The following AFF3 variants were observed in gnomAD, a reference collection of about 807,000 sequenced individuals.
AFF3 encodes AF4/FMR2 family member 3.
AFF3 carries 32 observed loss-of-function variants against 129.7 expected under a neutral mutation model. The ratio of observed to expected loss-of-function variants is 0.25; its 90% CI spans 0.19 to 0.33. The LOEUF (loss-of-function observed/expected upper bound fraction) is 0.33. Among genes scored for constraint, AFF3 ranks in the 10% least tolerant of loss-of-function variants. The pLI is 1.00. For missense variants in AFF3, 1,373 were observed against 1,592.0 expected, an observed-to-expected ratio of 0.86 and a Z score of 2.34; for synonymous variants, 644 against 635.4, an observed-to-expected ratio of 1.01 and a Z score of -0.20.
At chr2:99,695,200 C>A (rs1676073956) in intron 11 of AFF3, among the ~76,000 whole-genome samples, 1 of 152,174 alleles carries the variant, frequency 6.6e-6, no homozygotes, top group African/African-American at 2.4e-5. Flanking sequence ...TACCTCAGCT[C>A]AGACTCCCCA....
At position 100,059,243 on chromosome 2, in the gene AFF3, G is replaced by C. The variant is rs1002687762; in HGVS notation, c.53+45159C>G. 2.6e-4 allele frequency among the ~76,000 whole-genome samples: 26 copies of C among 99,260 alleles called. 1 individual carries two copies. The highest frequency in any genetic ancestry group is 6.4e-4 in the Admixed American group (4 of 6,210). 65.1% of individuals were successfully genotyped at this position (99,260 alleles called of 152,430 possible). ...ACTCCAGCCTGGGCAACAGAAGTGAGACTCTGTCTCCAAAAAAAAAAAAAA... is the reference window on the plus strand; with the variant it reads ...ACTCCAGCCTGGGCAACAGAAGTGACACTCTGTCTCCAAAAAAAAAAAAAA... On this transcript the variant is annotated intron_variant, in intron 4 of 24. Coordinates refer to ENST00000672756, the MANE Select transcript of AFF3 (RefSeq NM_001386135.1).
rs552214201 is a variant in AFF3 at position 100,038,587 on chromosome 2, C to T, written c.54-29655G>A. 1.5e-3 allele frequency among the ~76,000 whole-genome samples: 221 copies of T among 152,138 alleles called. 1 individual carries two copies. Among genetic ancestry groups the T allele is most frequent in the Middle Eastern group, 3.4e-3 (1 of 294 alleles). ...CAGTTGAGGGGACAGAGGCTGGGCA[C>T]GGGTCCAAAATCTCCCCATGATGTT... On this transcript the variant is annotated intron_variant, in intron 4 of 24. Transcript: ENST00000672756.
chr2:100,091,942 C>A (rs1689893264), intron 4 of AFF3, among the ~76,000 whole-genome samples: 1 of 146,444 alleles, frequency 6.8e-6, no homozygotes, highest in African/African-American at 2.5e-5. Context: ...CCTTTTCAAC[C>A]CTCTTCACCG....
Position 99,691,595 on chromosome 2 carries a change from T to C in AFF3, c.1092-19006A>G, listed in dbSNP as rs531748916. 9.3e-4 allele frequency among the ~76,000 whole-genome samples: 142 copies of C among 152,334 alleles called. 2 individuals are homozygous for C. The highest frequency in any genetic ancestry group is 1.6e-3 in the Admixed American group (25 of 15,310). On this transcript the variant is annotated intron_variant, in intron 11 of 24. Transcript: ENST00000672756. ...AGAGGTGAAGAGGCTTTAGTGATTA[T>C]CAAGACCAGCAGTTTATCAACTTTG...
intron 4 of AFF3, among the ~76,000 whole-genome samples, chr2:100,047,147 G>A (rs989233164): frequency 1.2e-4 from 19 of 152,236 alleles, no homozygotes; most frequent in African/African-American, 4.1e-4. Flanking sequence ...AATGGCACCC[G>A]TGCTGGATGG....
intron 8 of AFF3, among the ~76,000 whole-genome samples, chr2:99,827,540 G>C (rs1183309422): frequency 6.6e-6 from 1 of 152,002 alleles, no homozygotes; most frequent in African/African-American, 2.4e-5. Flanking sequence ...GGGAGAGATG[G>C]CAGTTGGTTG....
At chr2:99,753,097 A>G (rs1054766736) in intron 8 of AFF3, among the ~76,000 whole-genome samples, 19 of 151,998 alleles carry the variant, frequency 1.3e-4, no homozygotes, top group Non-Finnish European at 2.1e-4. Context: ...GAACCCTATT[A>G]TTATTATTAT....
chr2:99,955,613 C>T (rs1676567355), intron 7 of AFF3, among the ~76,000 whole-genome samples: 1 of 152,118 alleles, frequency 6.6e-6, no homozygotes, highest in African/African-American at 2.4e-5. Flanking sequence ...TCTTCTATAG[C>T]CAAATCTGAG....
At chr2:99,576,132 C>T (rs1379960824) in intron 18 of AFF3, among the ~76,000 whole-genome samples, 2 of 151,664 alleles carry the variant, frequency 1.3e-5, no homozygotes, top group East Asian at 3.9e-4. Flanking sequence ...CTCCCAGGTT[C>T]AAGCAATTCT....
intron 4 of AFF3, among the ~76,000 whole-genome samples, chr2:100,027,541 C>A (rs1165024599): frequency 1.3e-5 from 2 of 152,194 alleles, no homozygotes; most frequent in African/African-American, 4.8e-5. Context: ...ACTCTCCTGG[C>A]TACAGATTTA....
chr2:99,895,284 C>G (rs879350642), intron 7 of AFF3, among the ~76,000 whole-genome samples: 5 of 152,204 alleles, frequency 3.3e-5, no homozygotes, highest in Non-Finnish European at 7.3e-5. Context: ...TCCAATCCCA[C>G]CAACAAGGTG....
intron 12 of AFF3, among the ~76,000 whole-genome samples, chr2:99,667,743 C>G (rs1276824965): frequency 6.6e-6 from 1 of 152,144 alleles, no homozygotes; most frequent in East Asian, 1.9e-4. Flanking sequence ...AACATGACAA[C>G]TTAAGTGACA....
At chr2:99,842,877 G>A (rs555937159) in intron 7 of AFF3, among the ~76,000 whole-genome samples, 2 of 152,290 alleles carry the variant, frequency 1.3e-5, no homozygotes, top group East Asian at 3.9e-4. Flanking sequence ...TCATTGCAGA[G>A]ATGGGCTGCA....
chr2:99,752,447 T>C (rs1333672066), intron 8 of AFF3, 146 bp from the exon 9 acceptor site: 1 of 640,064 alleles, frequency 1.6e-6, no homozygotes, highest in Non-Finnish European at 2.6e-6. Context: ...TAAAAAAAGA[T>C]GTGAAATCCA....
At chr2:100,110,494 A>G (rs1045416685) in intron 2 of AFF3, among the ~76,000 whole-genome samples, 9 of 152,236 alleles carry the variant, frequency 5.9e-5, no homozygotes, top group South Asian at 2.1e-4. Context: ...GGTAGTCCCC[A>G]TGCAGCCCTC....
At chr2:100,096,441 T>A (rs1335364403) in intron 4 of AFF3, among the ~76,000 whole-genome samples, 1 of 151,938 alleles carries the variant, frequency 6.6e-6, no homozygotes, top group Non-Finnish European at 1.5e-5. Flanking sequence ...AAATACTGCA[T>A]CTAAACGCAA....
At chr2:99,643,795 A>C (rs536162339) in intron 13 of AFF3, among the ~76,000 whole-genome samples, 7 of 152,336 alleles carry the variant, frequency 4.6e-5, no homozygotes, top group Non-Finnish European at 7.3e-5. Flanking sequence ...ACCATTTCAC[A>C]TTCTTCTACC....
intron 11 of AFF3, among the ~76,000 whole-genome samples, chr2:99,701,649 G>A (rs905938787): frequency 2.6e-5 from 4 of 152,190 alleles, no homozygotes; most frequent in African/African-American, 9.7e-5. Context: ...ACAATCCACA[G>A]AGCTTATTCA....
intron 8 of AFF3, among the ~76,000 whole-genome samples, chr2:99,818,787 G>T (rs139888052): frequency 6.6e-6 from 1 of 152,074 alleles, no homozygotes; most frequent in South Asian, 2.1e-4. Context: ...TAAATCTTTA[G>T]AAATATAGTA....
Sources: gnomAD v4.1 joint callset for allele counts (sites outside exome capture counted in the v4.1 genomes callset) on GRCh38, gnomAD v4.1.1 for gene constraint, MANE v1.5 for transcripts, NCBI Gene and HGNC (gene_info 2026-07-23, HGNC 2026-07-21) for gene names.